CEP70: variants seen among roughly 807,000 people sequenced by gnomAD.
CEP70 encodes the protein centrosomal protein 70.
Under a neutral mutation model 90.9 loss-of-function variants are expected in CEP70, and 70 were observed. The ratio of observed to expected loss-of-function variants is 0.77; its 90% CI spans 0.64 to 0.94. CEP70 has a LOEUF of 0.94. Ranked by LOEUF, CEP70 falls within the 40% of genes least tolerant of loss-of-function variation. CEP70 has a pLI of 0.00. For missense variants in CEP70, 648 were observed against 669.0 expected (o/e 0.97, Z 0.35); for synonymous variants, 220 against 228.3 (o/e 0.96, Z 0.33).
In CEP70 at chr3:138,544,899, C is replaced by T. The variant is rs150684818; in HGVS notation, c.466-7552G>A. Among the ~76,000 whole-genome samples the T allele has an allele frequency of 8.8e-3, 1,329 of 151,880 alleles. 15 individuals are homozygous for T. The highest frequency in any genetic ancestry group is 9.9e-3 in the Non-Finnish European group (674 of 67,942). On this transcript the variant is annotated intron_variant, in intron 6 of 17. Transcript: ENST00000264982. ...AGAGCAAAACAGTGGTTAACAGAGGCTACAAAAAGTAGGAGGGAAGGGGGA... is the reference window on the plus strand; with the variant it reads ...AGAGCAAAACAGTGGTTAACAGAGGTTACAAAAAGTAGGAGGGAAGGGGGA...
chr3:138,530,710 C>T (rs1467017806), intron 8 of CEP70: 7 of 985,196 alleles, frequency 7.1e-6, no homozygotes, highest in Non-Finnish European at 8.4e-6. Context: ...TGGCTTCCCC[C>T]GTCTTCTCTT....
At chr3:138,510,244 T>C in intron 11 of CEP70, among the ~76,000 whole-genome samples, 1 of 147,202 alleles carries the variant, frequency 6.8e-6, no homozygotes, top group South Asian at 2.1e-4. Context: ...TGAAACTCCC[T>C]GTCTACTAAA....
chr3:138,589,484 C>CT (rs1199367377), intron 2 of CEP70, among the ~76,000 whole-genome samples: 1 of 148,846 alleles, frequency 6.7e-6, no homozygotes, highest in Non-Finnish European at 1.5e-5. Flanking sequence ...AAAACCCTGT[C>CT]TCTCAAGAAA....
Position 138,525,881 on chromosome 3 carries a change from C to T in CEP70, c.870-317G>A, listed in dbSNP as rs528007409. Among the ~76,000 whole-genome samples, 60 of 152,266 alleles carry T rather than the reference C, an allele frequency of 3.9e-4. 1 individual carries two copies. In the South Asian group the frequency reaches 0.011, roughly 28 times the overall value. On this transcript the variant is annotated intron_variant, in intron 10 of 17. Coordinates refer to ENST00000264982, the MANE Select transcript of CEP70 (RefSeq NM_024491.4). ...TGGTGTATCCACCACCTAGCTTTAT[C>T]AAATTTGAATATTAACAGATTTGAT...
At chr3:138,518,675 C>A (rs1000372577) in intron 11 of CEP70, among the ~76,000 whole-genome samples, 2 of 152,168 alleles carry the variant, frequency 1.3e-5, no homozygotes, top group African/African-American at 4.8e-5. Flanking sequence ...ACCAAAACCC[C>A]ATCTGTACAT....
At chr3:138,500,670 T>A in intron 14 of CEP70, 65 bp downstream of exon 14, 1 of 1,489,590 alleles carries the variant, frequency 6.7e-7, no homozygotes, top group Non-Finnish European at 9.0e-7. Flanking sequence ...CAAATATCAA[T>A]ATCCACAATT....
At chr3:138,531,734 C>G (rs1309251334) in intron 8 of CEP70, 1 of 135,984 alleles carries the variant, frequency 7.4e-6, no homozygotes, top group African/African-American at 2.8e-5. Context: ...CACAGTACTA[C>G]AGATAATCAG....
Position 138,582,412 on chromosome 3 carries a change from C to T in CEP70, c.-6+9442G>A, listed in dbSNP as rs540500531. On this transcript the variant is annotated intron_variant, in intron 2 of 17. Transcript: ENST00000264982. ...GCTTGAACCTGGGAGGTGGAGGCTG[C>T]AGTGAGCCAAGATAGCGCCACTGAA... is the stretch of plus-strand genomic sequence containing the variant. Among the ~76,000 whole-genome samples, 10 of 151,904 alleles carry T rather than the reference C, an allele frequency of 6.6e-5. No individual in the cohort carries two copies. The East Asian group carries it at 1.2e-3, about 18-fold the overall frequency.
intron 6 of CEP70, among the ~76,000 whole-genome samples, chr3:138,541,796 C>T (rs561928575): frequency 6.6e-6 from 1 of 152,142 alleles, no homozygotes; most frequent in Admixed American, 6.5e-5. Context: ...CAGAGGCAGG[C>T]AGATTGCTTG....
At position 138,557,354 on chromosome 3, in the gene CEP70, T is replaced by C. The variant is rs376015387; in HGVS notation, c.465+12964A>G. On this transcript the variant is annotated intron_variant, in intron 6 of 17. Coordinates refer to ENST00000264982, the MANE Select transcript of CEP70 (RefSeq NM_024491.4). ...AGTTAACGCAATCATCACAGGGTCC[T>C]GAGGCGACATACATCCTCCTCAGCT... 5.6e-3 allele frequency among the ~76,000 whole-genome samples: 858 copies of C among 152,308 alleles called. 7 individuals are homozygous for C. Among genetic ancestry groups the C allele is most frequent in the African/African-American group, 0.02 (827 of 41,560 alleles).
intron 2 of CEP70, among the ~76,000 whole-genome samples, chr3:138,575,521 C>A (rs1332975275): frequency 1.3e-5 from 2 of 152,188 alleles, no homozygotes; most frequent in African/African-American, 4.8e-5. Context: ...AGCTGGAAAA[C>A]ACTCCTCAGG....
At chr3:138,589,914 G>A (rs771195967) in intron 2 of CEP70, among the ~76,000 whole-genome samples, 4 of 152,070 alleles carry the variant, frequency 2.6e-5, no homozygotes, top group Admixed American at 1.3e-4. Flanking sequence ...ATTACTTCCC[G>A]AGGAATCTAA....
At chr3:138,528,882 C>T (rs2037540605) in intron 10 of CEP70, among the ~76,000 whole-genome samples, 1 of 152,114 alleles carries the variant, frequency 6.6e-6, no homozygotes, top group African/African-American at 2.4e-5. Context: ...ATCCCAGCTA[C>T]TCGGGAGGCT....
chr3:138,551,757 A>C lies in CEP70; in HGVS notation c.466-14410T>G, dbSNP rs200840397. ...GTGAAACTCCATCTAAAAAAAAAAA[A>C]ATAAAATAAAACAAAACCCAAAGTA... On this transcript the variant is annotated intron_variant, in intron 6 of 17. Coordinates refer to ENST00000264982, the MANE Select transcript of CEP70 (RefSeq NM_024491.4). Among the ~76,000 whole-genome samples, 777 of 137,618 alleles carry C rather than the reference A, an allele frequency of 5.6e-3. 5 individuals carry two copies. The highest frequency in any genetic ancestry group is 0.021 in the African/African-American group (740 of 35,642). 90.3% of individuals were successfully genotyped at this position (137,618 alleles called of 152,430 possible). A position where few individuals can be genotyped will look rare whatever the true frequency, so the allele number is the denominator to read the frequency against.
intron 17 of CEP70, 149 bp from the exon 18 acceptor site, chr3:138,495,225 T>C: frequency 1.7e-6 from 1 of 571,574 alleles, no homozygotes; most frequent in Middle Eastern, 2.8e-4. Context: ...TCTCCGATAG[T>C]GATGATAGAT....
intron 6 of CEP70, among the ~76,000 whole-genome samples, chr3:138,541,085 G>A (rs1339085368): frequency 6.6e-6 from 1 of 152,122 alleles, no homozygotes; most frequent in Non-Finnish European, 1.5e-5. Flanking sequence ...ACACTGGGGT[G>A]GAGGGTGGGA....
intron 2 of CEP70, among the ~76,000 whole-genome samples, chr3:138,578,529 A>G (rs1251801610): frequency 6.6e-6 from 1 of 152,190 alleles, no homozygotes; most frequent in Non-Finnish European, 1.5e-5. Flanking sequence ...GACAGAGCCC[A>G]TGATGAGAAG....
intron 10 of CEP70, among the ~76,000 whole-genome samples, chr3:138,526,740 T>C (rs1226807760): frequency 6.6e-6 from 1 of 152,186 alleles, no homozygotes. Context: ...AATTTGAGAA[T>C]GAGAACTCCG....
At chr3:138,529,491 T>A (rs369442490) in intron 8 of CEP70, 29 bp from the exon 9 acceptor site, 26 of 1,358,424 alleles carry the variant, frequency 1.9e-5, no homozygotes, top group Admixed American at 2.1e-5. Context: ...AGTATACTTA[T>A]GAAAAATCTA....
Sources: gnomAD v4.1 joint callset for allele counts (sites outside exome capture counted in the v4.1 genomes callset) on GRCh38, gnomAD v4.1.1 for gene constraint, MANE v1.5 for transcripts, NCBI Gene and HGNC (gene_info 2026-07-23, HGNC 2026-07-21) for gene names.